TOGARAM2: variants seen among roughly 807,000 people sequenced by gnomAD.
The protein encoded by TOGARAM2 is TOG array regulator of axonemal microtubules 2, also known as TOG array regulator of axonemal microtubules protein 2.
TOGARAM2 carries 85 observed loss-of-function variants against 93.3 expected under a neutral mutation model. The observed-to-expected ratio is 0.91, with a 90% CI of 0.76 to 1.09. The LOEUF is 1.09. TOGARAM2 is among the 50% of genes least tolerant of loss of function. The pLI, the probability that TOGARAM2 is intolerant of heterozygous loss-of-function variation, is 0.00. For missense variants in TOGARAM2, 1,277 were observed against 1,334.5 expected (o/e 0.96, Z 0.67); for synonymous variants, 593 against 552.8 (o/e 1.07, Z -1.02).
chr2:28,973,637 C>T (rs1371149601), intron 1 of TOGARAM2, among the ~76,000 whole-genome samples: 1 of 151,938 alleles, frequency 6.6e-6, no homozygotes, highest in Non-Finnish European at 1.5e-5. Flanking sequence ...ATCCTCCTAC[C>T]TCAGCCTCCC....
rs369372896 is a variant in TOGARAM2 at position 28,994,844 on chromosome 2, C to A, written c.10C>A (p.Arg4Ser). The part of the protein sequence containing the change: MGT[R>S]DDVPEAKVLV... ...CTTCTCCACCCAGGACATGGGCACC[C>A]GTGACGATGTCCCCGAAGGTAAGGG... The change falls in exon 2 of 20, where the codon CGT (arginine) becomes AGT (serine). Residue 4 changes from arginine (R) to serine (S), a missense_variant. By Grantham distance (110) the Arg-to-Ser change is moderately radical (BLOSUM62 -1). Coordinates refer to ENST00000379558, the MANE Select transcript of TOGARAM2 (RefSeq NM_199280.4). The A allele has an allele frequency of 1.9e-6, 3 of 1,552,558 alleles. No homozygotes were observed. The highest frequency in any genetic ancestry group is 1.2e-5 in the South Asian group (1 of 84,086).
chr2:29,051,253 A>G (rs560312632), intron 19 of TOGARAM2: 1 of 152,446 alleles, frequency 6.6e-6, no homozygotes, highest in East Asian at 1.9e-4. Context: ...GCCTACAGGT[A>G]GGCACTTTAT....
intron 1 of TOGARAM2, among the ~76,000 whole-genome samples, chr2:28,993,747 G>C (rs28560079): frequency 6.6e-6 from 1 of 151,994 alleles, no homozygotes; most frequent in Non-Finnish European, 1.5e-5. Flanking sequence ...CCTGTGTTTG[G>C]GTTGAGGGTT....
intron 8 of TOGARAM2, among the ~76,000 whole-genome samples, chr2:29,014,853 A>G (rs890657334): frequency 6.6e-6 from 1 of 151,980 alleles, no homozygotes; most frequent in Non-Finnish European, 1.5e-5. Flanking sequence ...GAGGACGGGG[A>G]GGTTGCACAG....
chr2:29,022,015 G>A, intron 10 of TOGARAM2, 143 bp from the exon 11 acceptor site: 4 of 1,057,116 alleles, frequency 3.8e-6, no homozygotes, highest in Admixed American at 2.1e-5. Flanking sequence ...GCCTCACCAG[G>A]CACTTCCACT....
intron 18 of TOGARAM2, among the ~76,000 whole-genome samples, chr2:29,043,954 G>A (rs1161525743): frequency 6.6e-6 from 1 of 152,242 alleles, no homozygotes; most frequent in Non-Finnish European, 1.5e-5. Context: ...TCGACTTCGG[G>A]AATATGAAGG....
intron 4 of TOGARAM2, among the ~76,000 whole-genome samples, chr2:29,001,048 G>A (rs1272910832): frequency 6.6e-6 from 1 of 152,228 alleles, no homozygotes; most frequent in Non-Finnish European, 1.5e-5. Flanking sequence ...AGGCCCCTCA[G>A]CAAGCATGGA....
intron 7 of TOGARAM2, among the ~76,000 whole-genome samples, chr2:29,011,881 G>A (rs1359269456): frequency 6.6e-6 from 1 of 152,240 alleles, no homozygotes; most frequent in African/African-American, 2.4e-5. Context: ...TTGCAGCCAA[G>A]TTTCCACGGC....
At chr2:29,047,604 G>A (rs1416978232) in intron 19 of TOGARAM2, 1 of 152,252 alleles carries the variant, frequency 6.6e-6, no homozygotes, top group Non-Finnish European at 1.5e-5. Flanking sequence ...GCCCCCAGAA[G>A]GGCCTCACCA....
In TOGARAM2 at chr2:29,035,562, A is replaced by ACTTCCGGTCCC; in HGVS notation, c.2324_2325insCTTCCGGTCCC (p.Glu775AspfsTer52). ...CTACGGGAGCTGACACGGCTGCTGG[A>ACTTCCGGTCCC]GGCCAAGGACTTCCGGTCCCGGATG... On this transcript the variant is annotated frameshift_variant, in exon 17 of 20. Coordinates refer to ENST00000379558, the MANE Select transcript of TOGARAM2 (RefSeq NM_199280.4). LOFTEE classifies it high-confidence loss of function. The ACTTCCGGTCCC allele has an allele frequency of 1.3e-6, 2 of 1,591,646 alleles. No individual in the cohort carries two copies. Among genetic ancestry groups the ACTTCCGGTCCC allele is most frequent in the Non-Finnish European group, 1.7e-6 (2 of 1,168,954 alleles).
At chr2:28,978,655 G>C (rs532672381), upstream of TOGARAM2, among the ~76,000 whole-genome samples, 1 of 152,300 alleles carries the variant, frequency 6.6e-6, no homozygotes, top group East Asian at 1.9e-4. Flanking sequence ...TGTGGATGTG[G>C]AGGGGGCTAC....
intron 6 of TOGARAM2, among the ~76,000 whole-genome samples, chr2:29,008,467 ATT>A (rs1212238352): frequency 2.4e-4 from 28 of 118,984 alleles, no homozygotes; most frequent in Non-Finnish European, 2.5e-4. Context: ...AAATATATAT[ATT>A]TTTTTGAGAT....
chr2:28,988,527 T>C (rs1050819537), intron 1 of TOGARAM2, among the ~76,000 whole-genome samples: 1 of 152,176 alleles, frequency 6.6e-6, no homozygotes. Context: ...CCCTCCCCTG[T>C]GTCTTCAGCC....
At chr2:29,024,048 A>T in intron 12 of TOGARAM2, 91 bp from the exon 13 acceptor site, 1 of 1,082,250 alleles carries the variant, frequency 9.2e-7, no homozygotes, top group Non-Finnish European at 1.3e-6. Flanking sequence ...GTGGGGGTGG[A>T]GGAAGAGGGT....
intron 18 of TOGARAM2, among the ~76,000 whole-genome samples, chr2:29,041,793 A>T (rs1482169324): frequency 6.6e-6 from 1 of 152,116 alleles, no homozygotes; most frequent in Non-Finnish European, 1.5e-5. Flanking sequence ...AGGCTAATGG[A>T]GTGTAGATTT....
Position 29,014,375 on chromosome 2 carries a change from C to T in TOGARAM2, c.878-20C>T. 6.2e-7 allele frequency: 1 copy of T among 1,607,888 alleles called. No individual in the cohort carries two copies. The highest frequency in any genetic ancestry group is 8.5e-7 in the Non-Finnish European group (1 of 1,177,702). On this transcript the variant is annotated intron_variant, in intron 7 of 19. Transcript: ENST00000379558. ...GTGACCTGGGTGTCTTCAGCTCCAC[C>T]CCTGTTCTCAACCCCTCAGAGCCAA...
At chr2:29,049,888 G>A (rs1391016631) in intron 19 of TOGARAM2, 1 of 152,270 alleles carries the variant, frequency 6.6e-6, no homozygotes, top group East Asian at 1.9e-4. Context: ...AACATTCCTT[G>A]ATAAATGTCA....
At chr2:29,035,947 C>G (rs188941451) in intron 17 of TOGARAM2, among the ~76,000 whole-genome samples, 1 of 152,092 alleles carries the variant, frequency 6.6e-6, no homozygotes, top group Non-Finnish European at 1.5e-5. Flanking sequence ...TTCTGGGGAG[C>G]TAGGTGCATC....
intron 1 of TOGARAM2, among the ~76,000 whole-genome samples, chr2:28,963,171 C>T (rs973701168): frequency 6.6e-6 from 1 of 151,886 alleles, no homozygotes; most frequent in Non-Finnish European, 1.5e-5. Context: ...TTAATTTTTC[C>T]TCCTCTTGTT....
Sources: allele counts gnomAD v4.1 joint callset (sites outside exome capture counted in the v4.1 genomes callset), GRCh38; gene constraint gnomAD v4.1.1; transcripts MANE v1.5; gene names NCBI Gene and HGNC (gene_info 2026-07-23, HGNC 2026-07-21).